Variants in RGS7 observed in about 807,000 individuals in gnomAD.
RGS7 encodes regulator of G protein signaling 7, also known as regulator of G-protein signaling 7.
A neutral mutation model predicts 81.1 loss-of-function variants in RGS7; 27 were observed. The ratio of observed to expected loss-of-function variants is 0.33; its 90% confidence interval spans 0.25 to 0.46. The LOEUF (loss-of-function observed/expected upper bound fraction) is 0.46. RGS7 is among the 20% of genes least tolerant of loss of function. The pLI, the probability that RGS7 is intolerant of heterozygous loss-of-function variation, is 1.00. For synonymous variants in RGS7, 208 were observed against 207.7 expected (o/e 1.00, Z -0.01); for missense variants, 396 against 607.4 (o/e 0.65, Z 3.66).
intron 6 of RGS7, among the ~76,000 whole-genome samples, chr1:240,902,744 A>G (rs992905158): frequency 1.2e-4 from 19 of 152,246 alleles, no homozygotes; most frequent in African/African-American, 4.3e-4. Context: ...TTAAACAACT[A>G]TGGGACATCT....
chr1:241,157,450 C>T (rs901389103), intron 2 of RGS7, among the ~76,000 whole-genome samples: 1 of 152,232 alleles, frequency 6.6e-6, no homozygotes, highest in African/African-American at 2.4e-5. Flanking sequence ...TCCCTGTGGT[C>T]AACCACCTGC....
chr1:241,354,715 T>G (rs962134244), intron 2 of RGS7, among the ~76,000 whole-genome samples: 2 of 152,218 alleles, frequency 1.3e-5, no homozygotes, highest in Non-Finnish European at 2.9e-5. Context: ...TCTTGAACTC[T>G]TCAATGGGCT....
chr1:241,206,960 G>GT (rs67087891), intron 2 of RGS7, among the ~76,000 whole-genome samples: 4,877 of 70,746 alleles, frequency 0.069, 954 homozygotes, highest in East Asian at 0.24. Context: ...TCTCTCTCTG[G>GT]TTTTTTTTTT....
chr1:241,096,562 G>A (rs7546341), intron 3 of RGS7, among the ~76,000 whole-genome samples: 9,181 of 152,178 alleles, frequency 0.06, 313 homozygotes, highest in African/African-American at 0.073. Flanking sequence ...TCTCTTTATT[G>A]AATAGCTACC....
rs74449399 is a variant in RGS7, at chr1:241,039,147, G to C, written c.176-56018C>G. Among the ~76,000 whole-genome samples the C allele has an allele frequency of 5.7e-3, 874 of 152,164 alleles. 11 individuals are homozygous for C. Among genetic ancestry groups the C allele is most frequent in the African/African-American group, 0.02 (829 of 41,516 alleles). ...ACAGATTTCCCCCATTTCTGAAGTT[G>C]ACACATTCAGGACACCTGCCCAGCA... On this transcript the variant is annotated intron_variant, in intron 3 of 18. Transcript: ENST00000440928.
rs936640421 is a variant in RGS7 at position 240,999,601 on chromosome 1, TTTG to T, written c.176-16475_176-16473del. Among the ~76,000 whole-genome samples, 16 of 152,158 alleles carry T rather than the reference TTTG, an allele frequency of 1.1e-4. No individual in the cohort carries two copies. In the South Asian group the frequency reaches 2.3e-3, roughly 22 times the overall value. ...TCCTGGTTCTTGGTACGATGAGTATTTTGTTGTTGTTGTTGTTAATACAGCGTC... is the reference window on the plus strand; with the variant it reads ...TCCTGGTTCTTGGTACGATGAGTATTTTGTTGTTGTTGTTAATACAGCGTC... On this transcript the variant is annotated intron_variant, in intron 3 of 18. Transcript: ENST00000440928.
chr1:241,330,235 G>A (rs570395931), intron 2 of RGS7, among the ~76,000 whole-genome samples: 21 of 152,226 alleles, frequency 1.4e-4, no homozygotes, highest in Non-Finnish European at 2.1e-4. Context: ...CACCCCGCCC[G>A]GCCCTTGATG....
chr1:240,826,648 T>C (rs957006783), intron 10 of RGS7, among the ~76,000 whole-genome samples: 2 of 152,196 alleles, frequency 1.3e-5, no homozygotes, highest in African/African-American at 4.8e-5. Context: ...AAAATGTCAC[T>C]GGACTCAGAA....
chr1:241,221,695 G>A (rs2075025903), intron 2 of RGS7, among the ~76,000 whole-genome samples: 1 of 152,178 alleles, frequency 6.6e-6, no homozygotes, highest in East Asian at 1.9e-4. Flanking sequence ...CATCCAATCA[G>A]TTAAAGGCCT....
chr1:241,158,243 A>T (rs2069343142), intron 2 of RGS7, among the ~76,000 whole-genome samples: 1 of 152,240 alleles, frequency 6.6e-6, no homozygotes, highest in Non-Finnish European at 1.5e-5. Flanking sequence ...AAATATGTTT[A>T]CTATCTGGCC....
chr1:241,306,655 CAA>C (rs1558298260), intron 2 of RGS7, among the ~76,000 whole-genome samples: 2 of 140,440 alleles, frequency 1.4e-5, no homozygotes, highest in African/African-American at 5.1e-5. Flanking sequence ...CTTTCACACA[CAA>C]ATACATGTCC....
intron 3 of RGS7, among the ~76,000 whole-genome samples, chr1:241,089,063 C>CTCTCTCTCTCTCTATA (rs1374552672): frequency 8.4e-5 from 2 of 23,684 alleles, no homozygotes; most frequent in African/African-American, 4.6e-4. Context: ...CTCTCTCTCT[C>CTCTCTCTCTCTCTATA]TATATATATA....
chr1:241,235,648 TTC>T (rs372938062), intron 2 of RGS7, among the ~76,000 whole-genome samples: 58,930 of 148,856 alleles, frequency 0.4, 11,486 homozygotes, highest in African/African-American at 0.47. Flanking sequence ...TTTTTTCTCA[TTC>T]TCTCTTTCTT....
chr1:241,347,341 G>A (rs970463654), intron 2 of RGS7, among the ~76,000 whole-genome samples: 2 of 152,190 alleles, frequency 1.3e-5, no homozygotes, highest in Admixed American at 6.5e-5. Context: ...GGGGTGGGGT[G>A]AGAATTCACA....
chr1:241,236,256 A>G (rs187783540), intron 2 of RGS7, among the ~76,000 whole-genome samples: 1 of 151,614 alleles, frequency 6.6e-6, no homozygotes, highest in African/African-American at 2.4e-5. Context: ...TAGAGAAATG[A>G]GAAACCACCT....
chr1:241,021,492 C>A (rs2059534338), intron 3 of RGS7, among the ~76,000 whole-genome samples: 1 of 152,194 alleles, frequency 6.6e-6, no homozygotes, highest in Non-Finnish European at 1.5e-5. Flanking sequence ...GATTGGTGCA[C>A]AGCTATGGGC....
intron 2 of RGS7, among the ~76,000 whole-genome samples, chr1:241,186,122 A>C (rs1166176885): frequency 2.0e-5 from 3 of 152,172 alleles, no homozygotes; most frequent in Non-Finnish European, 4.4e-5. Flanking sequence ...TATCAATATC[A>C]GGGAAAAAAT....
chr1:240,927,485 T>C (rs1362836679), intron 6 of RGS7, among the ~76,000 whole-genome samples: 1 of 152,194 alleles, frequency 6.6e-6, no homozygotes, highest in Non-Finnish European at 1.5e-5. Flanking sequence ...CATCACACCA[T>C]CAATATCCTC....
chr1:240,848,470 A>AAAGGAATAATAAGACC (rs1659499154), intron 9 of RGS7, among the ~76,000 whole-genome samples: 1 of 152,152 alleles, frequency 6.6e-6, no homozygotes, highest in Admixed American at 6.5e-5. Flanking sequence ...TTAGGAGTGA[A>AAAGGAATAATAAGACC]AAGGAATAAT....
Sources: allele counts gnomAD v4.1 joint callset (sites outside exome capture counted in the v4.1 genomes callset), GRCh38; gene constraint gnomAD v4.1.1; transcripts MANE v1.5; gene names NCBI Gene and HGNC (gene_info 2026-07-23, HGNC 2026-07-21).